SHQ1: variants seen among roughly 807,000 people sequenced by gnomAD.
The protein encoded by SHQ1 is SHQ1, H/ACA ribonucleoprotein assembly factor.
SHQ1 carries 49 observed loss-of-function variants against 53.8 expected under a neutral mutation model. The observed-to-expected ratio is 0.91, with a 90% CI of 0.72 to 1.16. The LOEUF is 1.16. Ranked by LOEUF, SHQ1 falls within the 50% of genes most tolerant of loss-of-function variation. SHQ1 has a pLI of 0.00. For synonymous variants in SHQ1, 243 were observed against 251.0 expected, an observed-to-expected ratio of 0.97 and a Z score of 0.30; for missense variants, 738 against 683.1, an observed-to-expected ratio of 1.08 and a Z score of -0.90.
chr3:72,821,777 G>T (rs1707487657), intron 6 of SHQ1, among the ~76,000 whole-genome samples: 1 of 152,192 alleles, frequency 6.6e-6, no homozygotes, highest in Admixed American at 6.5e-5. Context: ...TAGTTCAGCA[G>T]AAAACTGTGA....
chr3:72,757,381 C>CT (rs779724149), intron 10 of SHQ1, among the ~76,000 whole-genome samples: 32,184 of 134,894 alleles, frequency 0.24, 4,081 homozygotes, highest in Non-Finnish European at 0.27. Context: ...CTTCTCTTTC[C>CT]TTTTTTTTTT....
At chr3:72,765,530 C>CATACATATATATATATATATAT (rs1705702242) in intron 10 of SHQ1, among the ~76,000 whole-genome samples, 1 of 83,510 alleles carries the variant, frequency 1.2e-5, no homozygotes, top group African/African-American at 6.2e-5. Flanking sequence ...ATTCACATGA[C>CATACATATATATATATATATAT]ATATATATAT....
intron 10 of SHQ1, among the ~76,000 whole-genome samples, chr3:72,780,691 A>C (rs1706052916): frequency 6.6e-6 from 1 of 152,234 alleles, no homozygotes; most frequent in African/African-American, 2.4e-5. Context: ...CGAAAGTGGC[A>C]AGAGTCAGGA....
At chr3:72,812,881 T>G in intron 8 of SHQ1, 87 bp from the exon 9 acceptor site, 1 of 1,500,246 alleles carries the variant, frequency 6.7e-7, no homozygotes, top group Non-Finnish European at 9.1e-7. Context: ...CTTTTCTCAT[T>G]TAAAAGCTGC....
chr3:72,809,268 T>C (rs1246174311), intron 9 of SHQ1, among the ~76,000 whole-genome samples: 1 of 152,160 alleles, frequency 6.6e-6, no homozygotes, highest in Non-Finnish European at 1.5e-5. Context: ...GAATTTCTTT[T>C]GTAATGAAGT....
chr3:72,836,168 C>T lies in SHQ1; in HGVS notation c.487-3687G>A, dbSNP rs191187184. Among the ~76,000 whole-genome samples, 320 of 152,312 alleles carry T rather than the reference C, an allele frequency of 2.1e-3. 5 individuals carry two copies. The highest frequency in any genetic ancestry group is 0.021 in the Admixed American group (316 of 15,292). ...ACAGCACACAGACCAGGTCTCTACT[C>T]TCATGGGAAGGAGAACTGACCAATA... On this transcript the variant is annotated intron_variant, in intron 4 of 10. Transcript: ENST00000325599.
intron 10 of SHQ1, among the ~76,000 whole-genome samples, chr3:72,787,259 T>C (rs973284255): frequency 9.2e-5 from 14 of 152,138 alleles, no homozygotes; most frequent in Non-Finnish European, 1.6e-4. Flanking sequence ...GCAAAGAGGG[T>C]TTAGAATTTC....
chr3:72,783,733 A>G (rs939908594), intron 10 of SHQ1, among the ~76,000 whole-genome samples: 3 of 151,988 alleles, frequency 2.0e-5, no homozygotes, highest in African/African-American at 7.3e-5. Flanking sequence ...CGTCAAACCC[A>G]TTTTTTCCAA....
Position 72,768,726 on chromosome 3 carries a change from CAG to C in SHQ1, c.1182-17892_1182-17891del, listed in dbSNP as rs1705786254. Among the ~76,000 whole-genome samples the C allele has an allele frequency of 2.0e-5, 3 of 152,224 alleles. No homozygotes were observed. In the South Asian group the frequency reaches 6.2e-4, roughly 31 times the overall value. On this transcript the variant is annotated intron_variant, in intron 10 of 10. Coordinates refer to ENST00000325599, the MANE Select transcript of SHQ1 (RefSeq NM_018130.3). ...AGCAGTTTTTTCCTCGACACAAACACAGATTGTTCTCTGCTTTATAAGCAGCC... is the reference window on the plus strand; with the variant it reads ...AGCAGTTTTTTCCTCGACACAAACACATTGTTCTCTGCTTTATAAGCAGCC...
At chr3:72,737,479 AAAG>A in the SHQ1 span, among the ~76,000 whole-genome samples, 7 of 151,942 alleles carry the variant, frequency 4.6e-5, no homozygotes, top group African/African-American at 1.2e-4. Context: ...AAAGAAAGAA[AAAG>A]AAGATTTTTA....
chr3:72,742,206 A>T, the SHQ1 span, among the ~76,000 whole-genome samples: 6 of 145,218 alleles, frequency 4.1e-5, no homozygotes, highest in East Asian at 1.2e-3. Flanking sequence ...TCTTAAAAAA[A>T]AAAAAAAACG....
At chr3:72,752,924 A>T in intron 10 of SHQ1, 2 of 947,608 alleles carry the variant, frequency 2.1e-6, no homozygotes, top group Non-Finnish European at 2.5e-6. Flanking sequence ...CGGCCTCCCA[A>T]AGTGCTGGGA....
At chr3:72,810,319 T>C (rs1226028750) in intron 9 of SHQ1, among the ~76,000 whole-genome samples, 1 of 152,118 alleles carries the variant, frequency 6.6e-6, no homozygotes, top group African/African-American at 2.4e-5. Context: ...GGGGAGGGAA[T>C]GAGAAGAAAT....
chr3:72,728,630 A>C, the SHQ1 span, among the ~76,000 whole-genome samples: 1 of 152,210 alleles, frequency 6.6e-6, no homozygotes, highest in Non-Finnish European at 1.5e-5. Flanking sequence ...CTGAAGTCAA[A>C]TCTGCCTCTA....
At chr3:72,732,851 C>T in the SHQ1 span, among the ~76,000 whole-genome samples, 3 of 151,454 alleles carry the variant, frequency 2.0e-5, no homozygotes, top group Non-Finnish European at 4.4e-5. Context: ...GAAGAACCGC[C>T]CCCACTGAGC....
At chr3:72,751,529 T>TATATAC (rs1491584090) in intron 10 of SHQ1, among the ~76,000 whole-genome samples, 36 of 138,020 alleles carry the variant, frequency 2.6e-4, no homozygotes, top group Admixed American at 1.0e-3. Flanking sequence ...TATATATATA[T>TATATAC]ACATATACAT....
Position 72,832,358 on chromosome 3 carries a change from T to G in SHQ1, c.599+11A>C. The G allele has an allele frequency of 6.3e-7, 1 of 1,582,080 alleles. No homozygotes were observed. Among genetic ancestry groups the G allele is most frequent in the Admixed American group, 1.7e-5 (1 of 59,396 alleles). On this transcript the variant is annotated intron_variant, in intron 5 of 10. Transcript: ENST00000325599. ...GTAAATTATTTAATCCTCAAAAATC[T>G]CATTACTCACAGATAATGATCAGGA...
intron 10 of SHQ1, among the ~76,000 whole-genome samples, chr3:72,778,976 C>T (rs1400099628): frequency 6.6e-6 from 1 of 152,198 alleles, no homozygotes; most frequent in African/African-American, 2.4e-5. Context: ...CCTAGTCAGG[C>T]TACACTCACG....
intron 4 of SHQ1, among the ~76,000 whole-genome samples, chr3:72,836,382 G>A (rs1010013279): frequency 2.1e-4 from 32 of 152,084 alleles, no homozygotes; most frequent in African/African-American, 4.1e-4. Context: ...CCAGCTACTC[G>A]GGAGGCTGAG....
Sources: allele counts gnomAD v4.1 joint callset (sites outside exome capture counted in the v4.1 genomes callset), GRCh38; gene constraint gnomAD v4.1.1; transcripts MANE v1.5; gene names NCBI Gene and HGNC (gene_info 2026-07-23, HGNC 2026-07-21).